The following LDB2 variants were observed in gnomAD, a reference collection of about 807,000 sequenced individuals.
The protein encoded by LDB2 is LIM domain binding 2, also known as LIM domain-binding protein 2.
A neutral mutation model predicts 44.3 loss-of-function variants in LDB2; 12 were observed. That is an observed-to-expected ratio of 0.27 (90% confidence interval 0.17 to 0.44). The LOEUF is 0.44. LDB2 is among the 20% of genes least tolerant of loss of function. The pLI is 1.00. For missense variants in LDB2, 344 were observed against 473.5 expected, an observed-to-expected ratio of 0.73 and a Z score of 2.54; for synonymous variants, 164 against 174.8, an observed-to-expected ratio of 0.94 and a Z score of 0.49.
chr4:16,689,148 G>A (rs892713145), intron 2 of LDB2, among the ~76,000 whole-genome samples: 36 of 152,162 alleles, frequency 2.4e-4, no homozygotes, highest in African/African-American at 8.7e-4. Flanking sequence ...AACCTTTAAT[G>A]AGCTGGGATA....
At chr4:16,722,829 T>C (rs956604085) in intron 2 of LDB2, among the ~76,000 whole-genome samples, 8 of 152,104 alleles carry the variant, frequency 5.3e-5, no homozygotes, top group African/African-American at 1.9e-4. Context: ...TTTGGCATGA[T>C]GAGAAACAGC....
intron 2 of LDB2, among the ~76,000 whole-genome samples, chr4:16,654,387 G>A (rs1739166689): frequency 6.6e-6 from 1 of 152,178 alleles, no homozygotes; most frequent in South Asian, 2.1e-4. Context: ...ATGATAAAGA[G>A]TGTGGAAGGG....
At chr4:16,546,502 G>A (rs1735793311) in intron 5 of LDB2, among the ~76,000 whole-genome samples, 1 of 152,174 alleles carries the variant, frequency 6.6e-6, no homozygotes, top group South Asian at 2.1e-4. Context: ...AAGCATCAGA[G>A]AATCTGGAAA....
intron 2 of LDB2, among the ~76,000 whole-genome samples, chr4:16,663,418 T>G (rs1420155028): frequency 6.6e-6 from 1 of 152,186 alleles, no homozygotes; most frequent in East Asian, 1.9e-4. Flanking sequence ...TAATTGGCAG[T>G]CATAAACAAT....
At chr4:16,620,866 T>C (rs191278522) in intron 2 of LDB2, among the ~76,000 whole-genome samples, 21 of 152,350 alleles carry the variant, frequency 1.4e-4, no homozygotes, top group Admixed American at 1.4e-3. Context: ...ATAAGCCATG[T>C]TCTCCAGTAA....
At chr4:16,517,676 C>T (rs928154989) in intron 5 of LDB2, among the ~76,000 whole-genome samples, 2 of 152,312 alleles carry the variant, frequency 1.3e-5, no homozygotes, top group East Asian at 3.9e-4. Context: ...AACATGGTGT[C>T]CCTGTCAAGT....
chr4:16,709,984 A>T (rs1380173694), intron 2 of LDB2, among the ~76,000 whole-genome samples: 1 of 152,142 alleles, frequency 6.6e-6, no homozygotes, highest in Non-Finnish European at 1.5e-5. Context: ...GCCATTTGAG[A>T]TTAGGAGCCC....
chr4:16,738,663 T>A (rs1402293835), intron 2 of LDB2, among the ~76,000 whole-genome samples: 2 of 152,216 alleles, frequency 1.3e-5, no homozygotes, highest in African/African-American at 4.8e-5. Flanking sequence ...ACCAGAGGCA[T>A]CCACAGAGGG....
intron 2 of LDB2, among the ~76,000 whole-genome samples, chr4:16,647,910 G>A (rs1737220007): frequency 6.6e-6 from 1 of 152,160 alleles, no homozygotes; most frequent in Non-Finnish European, 1.5e-5. Flanking sequence ...ACCAAAGTTA[G>A]TACACCTTAC....
intron 1 of LDB2, among the ~76,000 whole-genome samples, chr4:16,818,672 A>T (rs984359212): frequency 2.6e-5 from 4 of 152,214 alleles, no homozygotes; most frequent in Admixed American, 2.6e-4. Flanking sequence ...CCTCTATAAA[A>T]AATAAGTACA....
rs1002539104 is a variant in LDB2 at position 16,559,698 on chromosome 4, G to C, written c.615+26224C>G. Among the ~76,000 whole-genome samples, 211 of 152,158 alleles carry C rather than the reference G, an allele frequency of 1.4e-3. 1 individual carries two copies. Among genetic ancestry groups the C allele is most frequent in the African/African-American group, 4.6e-3 (192 of 41,508 alleles). Reference sequence around the variant, plus strand: ...CAAGGATACCCAGGAATTGAACTCAGCTCTGCACCAAGCGGACCTAATAGA... The same window carrying C: ...CAAGGATACCCAGGAATTGAACTCACCTCTGCACCAAGCGGACCTAATAGA... On this transcript the variant is annotated intron_variant, in intron 5 of 7. Coordinates refer to ENST00000304523, the MANE Select transcript of LDB2 (RefSeq NM_001290.5).
At chr4:16,755,916 C>T (rs868437289) in intron 2 of LDB2, among the ~76,000 whole-genome samples, 1 of 152,150 alleles carries the variant, frequency 6.6e-6, no homozygotes, top group Non-Finnish European at 1.5e-5. Flanking sequence ...GCTCTCCCCA[C>T]CAATTACCAC....
At chr4:16,748,459 C>A (rs909342366) in intron 2 of LDB2, among the ~76,000 whole-genome samples, 2 of 152,140 alleles carry the variant, frequency 1.3e-5, no homozygotes, top group African/African-American at 2.4e-5. Context: ...ATAAAACATA[C>A]CCTGATGGGT....
chr4:16,750,592 C>T (rs1251039901), intron 2 of LDB2, among the ~76,000 whole-genome samples: 2 of 152,018 alleles, frequency 1.3e-5, no homozygotes, highest in African/African-American at 4.8e-5. Context: ...TATCATGGGT[C>T]ATGCTCACAC....
chr4:16,893,996 A>G (rs1724183446), intron 1 of LDB2, among the ~76,000 whole-genome samples: 1 of 152,138 alleles, frequency 6.6e-6, no homozygotes, highest in African/African-American at 2.4e-5. Flanking sequence ...CTTCACTTAC[A>G]ATGATGTCCA....
intron 5 of LDB2, among the ~76,000 whole-genome samples, chr4:16,580,732 A>G (rs1190865240): frequency 7.2e-5 from 11 of 151,972 alleles, no homozygotes; most frequent in Admixed American, 7.2e-4. Context: ...AGGAATGCCT[A>G]CTCTATTGTT....
intron 5 of LDB2, among the ~76,000 whole-genome samples, chr4:16,524,949 G>T (rs562374734): frequency 1.3e-5 from 2 of 152,078 alleles, no homozygotes; most frequent in Non-Finnish European, 2.9e-5. Flanking sequence ...AGGTACTTAC[G>T]GTAAGGTAAT....
intron 1 of LDB2, among the ~76,000 whole-genome samples, chr4:16,860,853 C>A (rs973290766): frequency 6.6e-6 from 1 of 152,094 alleles, no homozygotes; most frequent in African/African-American, 2.4e-5. Flanking sequence ...TAATTCTTTA[C>A]CACATGGGTC....
chr4:16,770,258 A>T (rs1300052335), intron 1 of LDB2, among the ~76,000 whole-genome samples: 1 of 152,240 alleles, frequency 6.6e-6, no homozygotes, highest in Admixed American at 6.5e-5. Flanking sequence ...CATGGCAGGA[A>T]GACAACAAAT....
Sources: gnomAD v4.1 joint callset for allele counts (sites outside exome capture counted in the v4.1 genomes callset) on GRCh38, gnomAD v4.1.1 for gene constraint, MANE v1.5 for transcripts, NCBI Gene and HGNC (gene_info 2026-07-23, HGNC 2026-07-21) for gene names.